STAB1: variants seen among roughly 807,000 people sequenced by gnomAD.
STAB1 encodes stabilin 1.
In STAB1, 250 loss-of-function variants were observed where a neutral mutation model predicts 332.4. The observed-to-expected ratio is 0.75, with a 90% CI of 0.68 to 0.84. The LOEUF (loss-of-function observed/expected upper bound fraction) is 0.84. Ranked by LOEUF, STAB1 falls within the 40% of genes least tolerant of loss-of-function variation. The pLI is 0.00. For synonymous variants in STAB1, 1,475 were observed against 1,390.4 expected, an observed-to-expected ratio of 1.06 and a Z score of -1.35; for missense variants, 3,249 against 3,489.7, an observed-to-expected ratio of 0.93 and a Z score of 1.74.
intron 18 of STAB1, 119 bp downstream of exon 18, chr3:52,506,969 C>T (rs1708924522): frequency 7.1e-7 from 1 of 1,416,116 alleles, no homozygotes; most frequent in African/African-American, 1.4e-5. Context: ...GCTCTGAGGC[C>T]CTGCTGGCAG....
chr3:52,515,364 C>T (rs2078825422), intron 36 of STAB1, 59 bp from the exon 37 acceptor site: 2 of 1,533,826 alleles, frequency 1.3e-6, no homozygotes, highest in East Asian at 2.2e-5. Context: ...TCTCCCCATT[C>T]ACTGCCCTGC....
At position 52,502,266 on chromosome 3, in the gene STAB1, C is replaced by T. The variant is rs111900740; in HGVS notation, c.487+38C>T. ...AAGGCAAGAGGGCACGGCCAGCGTC[C>T]ACCTGGGGGCCCACGCAGATGCAGT... On this transcript the variant is annotated intron_variant, in intron 5 of 68. Transcript: ENST00000321725. 6.0e-5 allele frequency: 96 copies of T among 1,597,996 alleles called. 3 individuals carry two copies. Among genetic ancestry groups the T allele is most frequent in the African/African-American group, 5.9e-4 (44 of 74,792 alleles).
At position 52,505,710 on chromosome 3, in the gene STAB1, A is replaced by G; in HGVS notation, c.1624A>G (p.Thr542Ala). 1 of 1,613,846 alleles carries G rather than the reference A, an allele frequency of 6.2e-7. No homozygotes were observed. ...PSILDGPGPF[T>A]VFAPSNEAVD... ...CATCCTGGACGGACCTGGGCCCTTCACAGTCTTTGCCCCAAGCAATGAGGC... is the reference window on the plus strand; with the variant it reads ...CATCCTGGACGGACCTGGGCCCTTCGCAGTCTTTGCCCCAAGCAATGAGGC... Residue 542 changes from threonine to alanine, a missense_variant, in exon 15 of 69, where the codon ACA (threonine) becomes GCA (alanine). By Grantham distance (58) the Thr-to-Ala change is moderately conservative. Transcript: ENST00000321725.
intron 50 of STAB1, 73 bp downstream of exon 50, chr3:52,519,637 C>T: frequency 1.9e-6 from 3 of 1,585,974 alleles, no homozygotes; most frequent in South Asian, 2.2e-5. Context: ...TGTATGCGTA[C>T]CTGTGTGTGC....
In STAB1 at chr3:52,512,852, G is replaced by T; in HGVS notation, c.3052G>T (p.Asp1018Tyr). ...LKSAGITLPA[D>Y]RRVTALVPSE... ...GAGTGCCGGCATCACGCTTCCTGCC[G>T]ACCGCCGAGTCACAGCCCTGGTGCC... Residue 1018 changes from aspartate to tyrosine, a missense_variant, in exon 29 of 69, where the codon GAC becomes TAC. Asp to Tyr is a radical substitution (Grantham distance 160). Coordinates refer to ENST00000321725, the MANE Select transcript of STAB1 (RefSeq NM_015136.3). 1 of 1,610,018 alleles carries T rather than the reference G, an allele frequency of 6.2e-7. No individual in the cohort carries two copies. Among genetic ancestry groups the T allele is most frequent in the South Asian group, 1.1e-5 (1 of 91,006 alleles).
intron 21 of STAB1, 64 bp downstream of exon 21, chr3:52,508,423 A>C: frequency 6.5e-7 from 1 of 1,538,816 alleles, no homozygotes; most frequent in Non-Finnish European, 8.9e-7. Context: ...CCGGTTGGCC[A>C]GTGACTGGCT....
rs374499332 is a variant in STAB1, at chr3:52,523,958, G to A, written c.7483G>A (p.Gly2495Arg). Residue 2495 changes from glycine (G) to arginine (R), a missense_variant, in exon 67 of 69, where the codon GGA becomes AGA. Gly to Arg is a moderately radical substitution (Grantham distance 125). Coordinates refer to ENST00000321725, the MANE Select transcript of STAB1 (RefSeq NM_015136.3). ...TGGAGCACTGCTTGGCTTGGTGGCC[G>A]GAGCTCTCTACCTCCGTGCCCGAGG... ...AAGALLGLVA[G>R]ALYLRARGKP... is the part of the protein sequence containing the mutation. 1.2e-4 allele frequency: 190 copies of A among 1,611,206 alleles called. No individual in the cohort carries two copies. Among genetic ancestry groups the A allele is most frequent in the Middle Eastern group, 6.6e-4 (4 of 6,082 alleles).
At chr3:52,508,075 G>A in intron 20 of STAB1, 49 bp downstream of exon 20, 6 of 1,577,082 alleles carry the variant, frequency 3.8e-6, no homozygotes, top group Non-Finnish European at 5.2e-6. Flanking sequence ...GGCACCTGCT[G>A]TTCCTCGGGG....
At chr3:52,516,793 C>T in intron 41 of STAB1, 25 bp downstream of exon 41, 2 of 1,600,036 alleles carry the variant, frequency 1.2e-6, no homozygotes, top group South Asian at 2.2e-5. Flanking sequence ...ATGCCCAGGG[C>T]CCTCCCTGAA....
rs750764929 is a variant in STAB1, at chr3:52,513,939, G to A, written c.3405G>A (p.Leu1135=). 9 of 1,606,110 alleles carry A rather than the reference G, an allele frequency of 5.6e-6. No homozygotes were observed. The highest frequency in any genetic ancestry group is 7.7e-6 in the Non-Finnish European group (9 of 1,174,856). The part of the protein sequence containing the change: ...VPGGQGLLQQ[L]DLVPAFSLFR... ...GTGGGCAGGGGTTGCTGCAGCAGCT[G>A]GACTTGGTGCCTGCCTTCAGCCTCT... Residue 1135 remains leucine (L), a synonymous_variant, in exon 32 of 69, where the codon CTG becomes CTA. Transcript: ENST00000321725.
chr3:52,519,299 G>C lies in STAB1; in HGVS notation c.5070G>C (p.Val1690=). ...ACCTCAATGACTTCGCGCGCGTGGT[G>C]AGCAGCGACCATGAGGCCGTGAACG... ...SIYLNDFARV[V]SSDHEAVNGI... The change falls in exon 49 of 69, where the codon GTG becomes GTC. Residue 1690 remains valine, a synonymous_variant. Transcript: ENST00000321725. 6.2e-7 allele frequency: 1 copy of C among 1,613,044 alleles called. No individual in the cohort carries two copies. Among genetic ancestry groups the C allele is most frequent in the Non-Finnish European group, 8.5e-7 (1 of 1,179,992 alleles).
rs1441960512 is a variant in STAB1 at position 52,520,992 on chromosome 3, C to A, written c.5895C>A (p.Gly1965=). 6.5e-7 allele frequency: 1 copy of A among 1,550,122 alleles called. No individual in the cohort carries two copies. Among genetic ancestry groups the A allele is most frequent in the Admixed American group, 1.9e-5 (1 of 51,736 alleles). ...CCAGCTGCTGCCCTGGTCACTATGG[C>A]AGTGAGTGCCAAGGTGAGCATTGCA... ...WKPSCCPGHY[G]SECQACPGGP... is the part of the protein sequence containing the mutation. Residue 1965 remains glycine, a synonymous_variant, in exon 55 of 69, where the codon GGC becomes GGA. Coordinates refer to ENST00000321725, the MANE Select transcript of STAB1 (RefSeq NM_015136.3).
chr3:52,516,266 G>GGC, intron 38 of STAB1, 28 bp downstream of exon 38: 2 of 794,414 alleles, frequency 2.5e-6, no homozygotes, highest in Non-Finnish European at 4.4e-6. Context: ...GCGGGGGTGG[G>GGC]CCTCCTGGCA....
In STAB1 at chr3:52,503,059, C is replaced by T; in HGVS notation, c.644C>T (p.Pro215Leu). 6.2e-7 allele frequency: 1 copy of T among 1,603,904 alleles called. No individual in the cohort carries two copies. Residue 215 changes from proline to leucine, a missense_variant, in exon 7 of 69, where the codon CCC becomes CTC. By Grantham distance (98) the Pro-to-Leu change is moderately conservative. Transcript: ENST00000321725. ...AACACCCAGTGCTCCGCAGAGGCTCCCAGCTGCAGGTGCCTGCCCGGCTAC... is the reference window on the plus strand; with the variant it reads ...AACACCCAGTGCTCCGCAGAGGCTCTCAGCTGCAGGTGCCTGCCCGGCTAC... ...PQNTQCSAEA[P>L]SCRCLPGYTQ... is the part of the protein sequence containing the mutation.
At chr3:52,497,034 C>G (rs1405509200) in intron 1 of STAB1, among the ~76,000 whole-genome samples, 1 of 152,208 alleles carries the variant, frequency 6.6e-6, no homozygotes, top group African/African-American at 2.4e-5. Flanking sequence ...TGGAGTCTCG[C>G]TCTGTAGCCC....
At chr3:52,509,768 G>A in intron 22 of STAB1, 102 bp from the exon 23 acceptor site, 2 of 1,309,844 alleles carry the variant, frequency 1.5e-6, no homozygotes, top group Non-Finnish European at 2.2e-6. Flanking sequence ...AGTCAAATCT[G>A]TACTGGCTGC....
intron 48 of STAB1, 25 bp from the exon 49 acceptor site, chr3:52,519,239 C>G: frequency 6.2e-7 from 1 of 1,603,130 alleles, no homozygotes; most frequent in African/African-American, 1.3e-5. Context: ...CTATCTGCTT[C>G]ATCAGCCCCG....
chr3:52,501,756 A>G lies in STAB1; in HGVS notation c.331+3A>G, dbSNP rs929183262. 6.4e-7 allele frequency: 1 copy of G among 1,556,494 alleles called. No individual in the cohort carries two copies. Among genetic ancestry groups the G allele is most frequent in the Non-Finnish European group, 8.7e-7 (1 of 1,150,680 alleles). On this transcript the variant is annotated splice_donor_region_variant and intron_variant, in intron 3 of 68. Coordinates refer to ENST00000321725, the MANE Select transcript of STAB1 (RefSeq NM_015136.3). ...CTACTGGGGTTCCCGGTGCCATGGT[A>G]TGGGAGAAAGGGGGACCCCGCCTTG...
In STAB1 at chr3:52,501,206, C is replaced by T. The variant is rs778375024; in HGVS notation, c.119C>T (p.Thr40Ile). ...TGTGATGTGAAAACCACGTTTGTCA[C>T]TCATGTACCCTGCACCTCGTGCGCG... The part of the protein sequence containing the change: ...KGCDVKTTFV[T>I]HVPCTSCAAI... Residue 40 changes from threonine to isoleucine, a missense_variant, in exon 2 of 69, where the codon ACT becomes ATT. Coordinates refer to ENST00000321725, the MANE Select transcript of STAB1 (RefSeq NM_015136.3). The T allele has an allele frequency of 6.2e-7, 1 of 1,613,778 alleles. No individual in the cohort carries two copies. The highest frequency in any genetic ancestry group is 1.1e-5 in the South Asian group (1 of 91,092).
Sources: allele counts gnomAD v4.1 joint callset (sites outside exome capture counted in the v4.1 genomes callset), GRCh38; gene constraint gnomAD v4.1.1; transcripts MANE v1.5; gene names NCBI Gene and HGNC (gene_info 2026-07-23, HGNC 2026-07-21).